Variants in ABCB7 observed in about 807,000 individuals in gnomAD.
ABCB7 encodes iron-sulfur clusters transporter ABCB7, mitochondrial.
In ABCB7, 7 loss-of-function variants were observed where a neutral mutation model predicts 54.4. The observed-to-expected ratio is 0.13, with a 90% CI of 0.07 to 0.24. The LOEUF (loss-of-function observed/expected upper bound fraction) is 0.24. Ranked by LOEUF, ABCB7 falls within the 10% of genes least tolerant of loss-of-function variation. The pLI, the probability that ABCB7 is intolerant of heterozygous loss-of-function variation, is 1.00. For missense variants in ABCB7, 356 were observed against 570.4 expected, an observed-to-expected ratio of 0.62 and a Z score of 3.83; for synonymous variants, 218 against 207.1, an observed-to-expected ratio of 1.05 and a Z score of -0.45.
Position 75,062,387 on chromosome X carries a change from C to T in ABCB7, c.1876G>A (p.Asp626Asn), listed in dbSNP as rs1367225834. Residue 626 changes from aspartate to asparagine, a missense_variant, in exon 14 of 16, where the codon GAC (aspartate) becomes AAC (asparagine). By Grantham distance (23) the Asp-to-Asn change is conservative. Around this residue, in one of 2 missense-constraint regions of ABCB7, gnomAD observed 241 missense variants for 470.9 expected, o/e 0.51. Transcript: ENST00000373394. ...TCATCATAGAGTATGACTGGGGGGT[C>T]CTTCAAAATGGCTCTTGCAATTGCT... ...RVAIARAILKDPPVILYDEAT... is the reference protein window; with the variant it reads ...RVAIARAILKNPPVILYDEAT... 8.3e-7 allele frequency: 1 copy of T among 1,210,703 alleles called. No homozygotes were observed. Among genetic ancestry groups the T allele is most frequent in the African/African-American group, 1.7e-5 (1 of 57,688 alleles).
At position 75,056,271 on chromosome X, in the gene ABCB7, G is replaced by A. The variant is rs548204988; in HGVS notation, c.2044-2686C>T. ...CTTACCTGAATCAATTATTACAATGGTGGCTGTAAAGTGTGATTTTCTGAA... is the reference window on the plus strand; with the variant it reads ...CTTACCTGAATCAATTATTACAATGATGGCTGTAAAGTGTGATTTTCTGAA... On this transcript the variant is annotated intron_variant, in intron 15 of 15. Coordinates refer to ENST00000373394, the MANE Select transcript of ABCB7 (RefSeq NM_001271696.3). Among the ~76,000 whole-genome samples the A allele has an allele frequency of 9.4e-4, 105 of 111,773 alleles. 3 individuals are homozygous for A. In the Admixed American group the frequency reaches 9.9e-3, roughly 11 times the overall value.
chrX:75,079,921 T>C (rs1055352539), intron 4 of ABCB7, among the ~76,000 whole-genome samples: 1 of 112,152 alleles, frequency 8.9e-6, no homozygotes, highest in Non-Finnish European at 1.9e-5. Context: ...AATTTGCTCT[T>C]GATCTCTACA....
In ABCB7 at chrX:75,071,504, A is replaced by G. The variant is rs2081363147; in HGVS notation, c.1207+5T>C. 1 of 1,210,802 alleles carries G rather than the reference A, an allele frequency of 8.3e-7. No homozygotes were observed. The highest frequency in any genetic ancestry group is 3.0e-5 in the East Asian group (1 of 33,804). On this transcript the variant is annotated splice_donor_5th_base_variant and intron_variant, in intron 9 of 15. Transcript: ENST00000373394. ...CTGTAAATGTGATAGCCACAGACTC[A>G]TTACCTGCCACAATTCCCTGACTGG...
At chrX:75,063,727 T>G (rs775674488) in intron 13 of ABCB7, among the ~76,000 whole-genome samples, 1 of 112,086 alleles carries the variant, frequency 8.9e-6, no homozygotes, top group East Asian at 2.8e-4. Context: ...ATTTTGGAAC[T>G]TGGAGAAGAA....
intron 1 of ABCB7, among the ~76,000 whole-genome samples, chrX:75,132,775 A>C (rs2081984283): frequency 8.9e-6 from 1 of 112,585 alleles, no homozygotes; most frequent in African/African-American, 3.2e-5. Flanking sequence ...CAAGAACAAG[A>C]ATTCAGCCAC....
At chrX:75,128,420 C>T (rs894767810) in intron 1 of ABCB7, among the ~76,000 whole-genome samples, 3 of 111,494 alleles carry the variant, frequency 2.7e-5, no homozygotes, top group Admixed American at 9.5e-5. Context: ...AACTGGACCA[C>T]CTCCTTACAC....
intron 10 of ABCB7, among the ~76,000 whole-genome samples, chrX:75,069,858 G>T (rs1036758894): frequency 2.7e-5 from 3 of 109,366 alleles, no homozygotes; most frequent in Non-Finnish European, 5.7e-5. Flanking sequence ...AACATTGTAA[G>T]ATTTTATTTA....
chrX:75,115,656 C>T (rs972871390), intron 1 of ABCB7, among the ~76,000 whole-genome samples: 1 of 108,329 alleles, frequency 9.2e-6, no homozygotes, highest in Non-Finnish European at 1.9e-5. Context: ...AACCAGATGA[C>T]GGACTCTGTA....
intron 4 of ABCB7, 71 bp downstream of exon 4, chrX:75,098,870 AG>A: frequency 1.7e-6 from 2 of 1,185,592 alleles, no homozygotes; most frequent in Non-Finnish European, 2.3e-6. Context: ...GATTTACACC[AG>A]GCCCAGGATT....
chrX:75,084,926 T>C (rs773887142), intron 4 of ABCB7, among the ~76,000 whole-genome samples: 1 of 112,076 alleles, frequency 8.9e-6, no homozygotes, highest in African/African-American at 3.2e-5. Flanking sequence ...AACCACAAGA[T>C]ACCACCATTC....
In ABCB7 at chrX:75,062,319, A is replaced by G. The variant is rs745603392; in HGVS notation, c.1935+9T>C. 6 of 1,191,292 alleles carry G rather than the reference A, an allele frequency of 5.0e-6. No homozygotes were observed. In the South Asian group the frequency reaches 8.9e-5, roughly 18 times the overall value. ...CATTGAAGAGCTTTATATTTTAATC[A>G]TAACTTACCTCTTCAGTAATCGAAT... is the stretch of plus-strand genomic sequence containing the variant. On this transcript the variant is annotated intron_variant, in intron 14 of 15. Coordinates refer to ENST00000373394, the MANE Select transcript of ABCB7 (RefSeq NM_001271696.3).
intron 4 of ABCB7, among the ~76,000 whole-genome samples, chrX:75,085,221 G>T (rs952790350): frequency 8.9e-6 from 1 of 111,968 alleles, no homozygotes; most frequent in Non-Finnish European, 1.9e-5. Context: ...ATGGGTGAAT[G>T]GACAAACTCT....
chrX:75,091,843 G>A (rs185911169), intron 4 of ABCB7, among the ~76,000 whole-genome samples: 128 of 111,393 alleles, frequency 1.1e-3, no homozygotes, highest in African/African-American at 3.7e-3. Flanking sequence ...AACAAAAAAT[G>A]AAATACTTCA....
intron 1 of ABCB7, among the ~76,000 whole-genome samples, chrX:75,130,464 A>G (rs2081966526): frequency 8.9e-6 from 1 of 112,753 alleles, no homozygotes; most frequent in African/African-American, 3.2e-5. Flanking sequence ...TCACTCACAT[A>G]CCATCCTTCC....
At chrX:75,085,886 G>A (rs141453387) in intron 4 of ABCB7, among the ~76,000 whole-genome samples, 3,099 of 108,596 alleles carry the variant, frequency 0.029, 113 homozygotes, top group African/African-American at 0.1. Flanking sequence ...TCACTCTGTC[G>A]CCTAGGCTGG....
chrX:75,153,831 T>A (rs1411479090), intron 1 of ABCB7, among the ~76,000 whole-genome samples: 1 of 104,559 alleles, frequency 9.6e-6, no homozygotes, highest in Non-Finnish European at 1.9e-5. Context: ...ATACTTCACT[T>A]AAGATGTAAA....
chrX:75,098,883 A>G, intron 4 of ABCB7, 59 bp downstream of exon 4: 1 of 1,201,049 alleles, frequency 8.3e-7, no homozygotes, highest in Non-Finnish European at 1.1e-6. Flanking sequence ...CCCAGGATTC[A>G]TAACTAGAAA....
At chrX:75,102,930 C>A (rs2081652149) in intron 3 of ABCB7, among the ~76,000 whole-genome samples, 1 of 111,808 alleles carries the variant, frequency 8.9e-6, no homozygotes, top group Non-Finnish European at 1.9e-5. Flanking sequence ...TTTCCACATA[C>A]TTGTTGGTCA....
chrX:75,074,089 G>C (rs1333694049), intron 6 of ABCB7, 133 bp from the exon 7 acceptor site: 11 of 531,036 alleles, frequency 2.1e-5, no homozygotes, highest in South Asian at 1.7e-4. Flanking sequence ...GTACGTGAAT[G>C]ATGGGTGAAA....
Sources: allele counts gnomAD v4.1 joint callset (sites outside exome capture counted in the v4.1 genomes callset), GRCh38; gene constraint gnomAD v4.1.1; regional missense constraint gnomAD v4.1.1; transcripts MANE v1.5; gene names NCBI Gene and HGNC (gene_info 2026-07-23, HGNC 2026-07-21).